Variants in SIVA1 observed in about 807,000 individuals in gnomAD.
The protein encoded by SIVA1 is apoptosis regulatory protein Siva.
In SIVA1, 10 loss-of-function variants were observed where a neutral mutation model predicts 19.7. That is an observed-to-expected ratio of 0.51 (90% CI 0.31 to 0.86). SIVA1 has a LOEUF of 0.86. SIVA1 is among the 40% of genes least tolerant of loss of function. SIVA1 has a pLI of 0.04. For synonymous variants in SIVA1, 130 were observed against 106.1 expected (o/e 1.23, Z -1.39); for missense variants, 241 against 245.2 (o/e 0.98, Z 0.11).
intron 1 of SIVA1, among the ~76,000 whole-genome samples, chr14:104,754,928 T>C (rs886251929): frequency 1.1e-4 from 16 of 152,196 alleles, no homozygotes; most frequent in African/African-American, 3.6e-4. Flanking sequence ...TGTGTTATGG[T>C]GAGGTGCAAA....
At chr14:104,757,337 A>C (rs1026619901) in intron 3 of SIVA1, 1 of 411,588 alleles carries the variant, frequency 2.4e-6, no homozygotes, top group Non-Finnish European at 4.9e-6. Context: ...CCCCGTGAGA[A>C]AGATGACTTC....
chr14:104,758,793 C>T (rs12896579), intron 3 of SIVA1: 16,889 of 152,328 alleles, frequency 0.11, 982 homozygotes, highest in African/African-American at 0.12. Context: ...GCCACCATGC[C>T]CGGCCCTACC....
chr14:104,756,337 T>TCTTA, intron 2 of SIVA1: 2 of 551,570 alleles, frequency 3.6e-6, no homozygotes, highest in Non-Finnish European at 6.5e-6. Flanking sequence ...AGCACTAGCC[T>TCTTA]CCAGGTAGCA....
intron 1 of SIVA1, among the ~76,000 whole-genome samples, chr14:104,755,414 A>G (rs1030400931): frequency 2.0e-5 from 3 of 152,342 alleles, no homozygotes; most frequent in Non-Finnish European, 2.9e-5. Context: ...AGGAGATGAC[A>G]GCTAAGCCAG....
At chr14:104,756,534 C>A in intron 2 of SIVA1, 70 bp from the exon 3 acceptor site, 1 of 1,580,476 alleles carries the variant, frequency 6.3e-7, no homozygotes, top group Non-Finnish European at 8.7e-7. Context: ...TGCATGGAGG[C>A]AGGTAGCCCG....
chr14:104,753,324 G>A lies in SIVA1; in HGVS notation c.118+5G>A. The stretch of plus-strand genomic sequence containing the variant: ...GCTACTCGCAGGAGGTCTTCGGTGA[G>A]TGTCGGGCGGGCTGCCGAGGGTCCG... On this transcript the variant is annotated splice_donor_5th_base_variant and intron_variant, in intron 1 of 3. Coordinates refer to ENST00000329967, the MANE Select transcript of SIVA1 (RefSeq NM_006427.4). The A allele has an allele frequency of 1.3e-6, 2 of 1,583,634 alleles. No individual in the cohort carries two copies. The highest frequency in any genetic ancestry group is 2.3e-5 in the South Asian group (2 of 88,246).
rs375749455 is a variant in SIVA1 at position 104,759,452 on chromosome 14, G to T, written c.495G>T (p.Val165=). The part of the protein sequence containing the change: ...LVDCSDMYEK[V]LCTSCAMFET Reference sequence around the variant, plus strand: ...GCTGCAGTGACATGTACGAGAAAGTGCTGTGCACCAGCTGTGCCATGTTCG... The same window carrying T: ...GCTGCAGTGACATGTACGAGAAAGTTCTGTGCACCAGCTGTGCCATGTTCG... Residue 165 remains valine, a synonymous_variant, in exon 4 of 4, where the codon GTG becomes GTT. Coordinates refer to ENST00000329967, the MANE Select transcript of SIVA1 (RefSeq NM_006427.4). This position sits in a 1 kb window ranked among gnomAD's most constrained non-coding sequence, Gnocchi z 4.2. The T allele has an allele frequency of 2.5e-6, 4 of 1,612,912 alleles. No homozygotes were observed. The African/African-American group carries it at 5.3e-5, about 22-fold the overall frequency.
chr14:104,756,567 C>T, intron 2 of SIVA1, 37 bp from the exon 3 acceptor site: 1 of 1,613,396 alleles, frequency 6.2e-7, no homozygotes, highest in Middle Eastern at 1.7e-4. Context: ...ACTCCAGTCT[C>T]CTTGCAGCCT....
At chr14:104,757,935 T>G (rs1891951565) in intron 3 of SIVA1, 1 of 152,280 alleles carries the variant, frequency 6.6e-6, no homozygotes, top group Non-Finnish European at 1.5e-5. Context: ...CACGTTGAGC[T>G]GAGTGGGCCA....
At chr14:104,757,719 G>A (rs1891943181) in intron 3 of SIVA1, 1 of 153,244 alleles carries the variant, frequency 6.5e-6, no homozygotes, top group African/African-American at 2.4e-5. Context: ...AAAGGGCAGG[G>A]TTTTCTCATT....
chr14:104,753,148 T>C lies in SIVA1; in HGVS notation c.-54T>C. On this transcript the variant is annotated 5_prime_UTR_variant, in exon 1 of 4. Transcript: ENST00000329967. ...GGCGCGCAGCTGTGACGTCACGGCG[T>C]CGTTGGTAAGGGGCTGGCGGCCGGG... The C allele has an allele frequency of 8.3e-7, 1 of 1,199,572 alleles. No homozygotes were observed. The highest frequency in any genetic ancestry group is 1.2e-6 in the Non-Finnish European group (1 of 844,610). The allele number at this position is 1,199,572 out of a possible 1,614,324, so 74.3% of individuals were successfully genotyped here.
At chr14:104,753,873 G>A (rs7151424) in intron 1 of SIVA1, 224,108 of 422,710 alleles carry the variant, frequency 0.53, 62,465 homozygotes, top group African/African-American at 0.72. Flanking sequence ...GCCACAGGTG[G>A]TCGGGGCAGG....
intron 3 of SIVA1, chr14:104,757,098 G>T: frequency 2.6e-6 from 1 of 391,364 alleles, no homozygotes; most frequent in South Asian, 2.4e-5. Context: ...AGGAGCCCCT[G>T]GTTGGTGACA....
At position 104,753,197 on chromosome 14, in the gene SIVA1, C is replaced by G. The variant is rs2140850133; in HGVS notation, c.-5C>G. On this transcript the variant is annotated 5_prime_UTR_variant, in exon 1 of 4. Coordinates refer to ENST00000329967, the MANE Select transcript of SIVA1 (RefSeq NM_006427.4). Reference sequence around the variant, plus strand: ...GGGAGCTGCGTAGCTCCCGGCCCCGCGGCCATGCCCAAGCGGAGCTGCCCC... The same window carrying G: ...GGGAGCTGCGTAGCTCCCGGCCCCGGGGCCATGCCCAAGCGGAGCTGCCCC... 1 of 1,557,388 alleles carries G rather than the reference C, an allele frequency of 6.4e-7. No individual in the cohort carries two copies. Among genetic ancestry groups the G allele is most frequent in the Non-Finnish European group, 8.7e-7 (1 of 1,152,230 alleles).
intron 3 of SIVA1, chr14:104,758,217 G>C (rs1285201945): frequency 6.6e-6 from 1 of 152,350 alleles, no homozygotes; most frequent in African/African-American, 2.4e-5. Flanking sequence ...TTGGCGTCCT[G>C]CTGATGGCCT....
In SIVA1 at chr14:104,755,430, G is replaced by A. The variant is rs567238018; in HGVS notation, c.119-200G>A. On this transcript the variant is annotated intron_variant, in intron 1 of 3. Coordinates refer to ENST00000329967, the MANE Select transcript of SIVA1 (RefSeq NM_006427.4). The stretch of plus-strand genomic sequence containing the variant: ...GGAGATGACAGCTAAGCCAGGTAAG[G>A]AAAGGACGCACAAGCATTCTCAGCA... Among the ~76,000 whole-genome samples, 20 of 152,296 alleles carry A rather than the reference G, an allele frequency of 1.3e-4. 1 individual carries two copies. In the South Asian group the frequency reaches 3.9e-3, roughly 30 times the overall value.
intron 1 of SIVA1, among the ~76,000 whole-genome samples, chr14:104,754,165 G>T (rs1357602196): frequency 1.3e-5 from 2 of 152,148 alleles, no homozygotes; most frequent in African/African-American, 4.8e-5. Flanking sequence ...TCTGACTGGG[G>T]TGATTAATAC....
At chr14:104,754,660 TC>T (rs1333008426) in intron 1 of SIVA1, among the ~76,000 whole-genome samples, 1 of 152,146 alleles carries the variant, frequency 6.6e-6, no homozygotes, top group Non-Finnish European at 1.5e-5. Flanking sequence ...TGTGACAGTT[TC>T]CAAATTCCAG....
rs532409526 is a variant in SIVA1, at chr14:104,759,245, C to T, written c.471-183C>T. The T allele has an allele frequency of 2.0e-6, 1 of 509,580 alleles. No individual in the cohort carries two copies. Among genetic ancestry groups the T allele is most frequent in the African/African-American group, 2.0e-5 (1 of 51,238 alleles). 31.6% of individuals were successfully genotyped at this position (509,580 alleles called of 1,614,324 possible). On this transcript the variant is annotated intron_variant, in intron 3 of 3. Transcript: ENST00000329967. The surrounding 1 kb of genome is among the most constrained non-coding windows in gnomAD (Gnocchi z 4.2). Reference sequence around the variant, plus strand: ...CTTTTTAGGACGCTGGTCGTGTTGCCTTAGGGCCCCCATGTCAGTGCCGTC... The same window carrying T: ...CTTTTTAGGACGCTGGTCGTGTTGCTTTAGGGCCCCCATGTCAGTGCCGTC...
Sources: gnomAD v4.1 joint callset for allele counts (sites outside exome capture counted in the v4.1 genomes callset) on GRCh38, gnomAD v4.1.1 for gene constraint, Gnocchi (gnomAD v3.1) non-coding constraint, MANE v1.5 for transcripts, NCBI Gene and HGNC (gene_info 2026-07-23, HGNC 2026-07-21) for gene names.